Variants in RAI14 observed in about 807,000 individuals in gnomAD.
The protein encoded by RAI14 is ankycorbin.
A neutral mutation model predicts 115.4 loss-of-function variants in RAI14; 45 were observed. That is an observed-to-expected ratio of 0.39 (90% CI 0.31 to 0.50). RAI14 has a LOEUF of 0.50. RAI14 is among the 20% of genes least tolerant of loss of function. The probability of loss-of-function intolerance (pLI) is 0.85; values close to 1 mark genes in which losing one functional copy is unlikely to be tolerated. For synonymous variants in RAI14, 371 were observed against 415.4 expected, an observed-to-expected ratio of 0.89 and a Z score of 1.30; for missense variants, 939 against 1,131.2, an observed-to-expected ratio of 0.83 and a Z score of 2.44.
chr5:34,662,415 G>A (rs1742762275), intron 1 of RAI14, among the ~76,000 whole-genome samples: 1 of 152,164 alleles, frequency 6.6e-6, no homozygotes, highest in Non-Finnish European at 1.5e-5. Context: ...GATGAGTATA[G>A]GAGTTGACAA....
In RAI14 at chr5:34,714,888, G is replaced by C. The variant is rs372744351; in HGVS notation, c.36+27933G>C. 6.6e-5 allele frequency among the ~76,000 whole-genome samples: 10 copies of C among 152,256 alleles called. No homozygotes were observed. The East Asian group carries it at 1.7e-3, about 27-fold the overall frequency. On this transcript the variant is annotated intron_variant, in intron 2 of 17. Coordinates refer to ENST00000265109, the MANE Select transcript of RAI14 (RefSeq NM_015577.3). ...CTAGCCATCAAAGTGGACAAGGGAA[G>C]GGAACCTCACTTGCAGTTCCTCGGT... is the stretch of plus-strand genomic sequence containing the variant.
At chr5:34,658,170 T>G (rs1004204945) in intron 1 of RAI14, among the ~76,000 whole-genome samples, 12 of 152,164 alleles carry the variant, frequency 7.9e-5, no homozygotes, top group African/African-American at 2.9e-4. Flanking sequence ...GGTGTGATTA[T>G]AACCCTGCTG....
chr5:34,724,986 C>A (rs1308935171), intron 2 of RAI14, among the ~76,000 whole-genome samples: 1 of 151,762 alleles, frequency 6.6e-6, no homozygotes, highest in Non-Finnish European at 1.5e-5. Flanking sequence ...CATGAAAAAG[C>A]CTGGGTCTCT....
At chr5:34,689,790 T>C (rs1372446399) in intron 2 of RAI14, among the ~76,000 whole-genome samples, 4 of 152,146 alleles carry the variant, frequency 2.6e-5, no homozygotes, top group African/African-American at 9.7e-5. Flanking sequence ...GAGAATAGCT[T>C]GAACCCAGAA....
intron 2 of RAI14, among the ~76,000 whole-genome samples, chr5:34,749,509 G>A (rs533788194): frequency 2.6e-5 from 4 of 152,298 alleles, no homozygotes; most frequent in South Asian, 2.1e-4. Context: ...AGACACTGCC[G>A]GTTGCCAAAT....
chr5:34,761,627 G>C (rs933460470), intron 3 of RAI14, among the ~76,000 whole-genome samples: 99 of 152,124 alleles, frequency 6.5e-4, no homozygotes, highest in African/African-American at 2.3e-3. Flanking sequence ...TCTTCTGGAA[G>C]TGGAGCTGTC....
chr5:34,794,143 C>T (rs1753235609), intron 3 of RAI14, among the ~76,000 whole-genome samples: 1 of 152,170 alleles, frequency 6.6e-6, no homozygotes, highest in South Asian at 2.1e-4. Context: ...GTCACTATGG[C>T]CAGGCATGGT....
intron 2 of RAI14, among the ~76,000 whole-genome samples, chr5:34,750,848 A>ATTTTTTTTTTTTTTTT (rs869028180): frequency 1.1e-4 from 9 of 83,618 alleles, no homozygotes; most frequent in Non-Finnish European, 1.3e-4. Context: ...TTGCTTTATC[A>ATTTTTTTTTTTTTTTT]TTTTTTTTTT....
rs918715281 is a variant in RAI14, at chr5:34,807,725, G to T, written c.322-75G>T. 7.9e-6 allele frequency: 9 copies of T among 1,142,216 alleles called. No individual in the cohort carries two copies. In the African/African-American group the frequency reaches 1.4e-4, roughly 17 times the overall value. The allele number at this position is 1,142,216 out of a possible 1,614,324, so 70.8% of individuals were successfully genotyped here. A position where few individuals can be genotyped will look rare whatever the true frequency, so the allele number is the denominator to read the frequency against. Reference sequence around the variant, plus strand: ...TTCCTAATAAGTCACATCATACCTTGCAGGAAAAGTCTGAACTGAATAGAA... The same window carrying T: ...TTCCTAATAAGTCACATCATACCTTTCAGGAAAAGTCTGAACTGAATAGAA... On this transcript the variant is annotated intron_variant, in intron 5 of 17. Transcript: ENST00000265109.
At chr5:34,701,964 T>C (rs7714779) in intron 2 of RAI14, among the ~76,000 whole-genome samples, 83,887 of 151,754 alleles carry the variant, frequency 0.55, 23,897 homozygotes, top group African/African-American at 0.69. Flanking sequence ...AGGTGCCTGC[T>C]ACCACGCCCG....
At position 34,821,736 on chromosome 5, in the gene RAI14, T is replaced by C; in HGVS notation, c.999T>C (p.Ala333=). ...KDRLSDSTTG[A]DSLLDISSEA... is the part of the protein sequence containing the mutation. ...AATGGCTTTCTCTTTCCCAAGGTGC[T>C]GATAGCTTATTGGATATAAGTTCTG... is the stretch of plus-strand genomic sequence containing the variant. The change falls in exon 14 of 18, where the codon GCT becomes GCC. Residue 333 remains alanine (A), a synonymous_variant. Coordinates refer to ENST00000265109, the MANE Select transcript of RAI14 (RefSeq NM_015577.3). 6.3e-7 allele frequency: 1 copy of C among 1,576,590 alleles called. No homozygotes were observed.
chr5:34,729,740 G>C (rs1369493629), intron 2 of RAI14, among the ~76,000 whole-genome samples: 2 of 152,156 alleles, frequency 1.3e-5, no homozygotes, highest in African/African-American at 4.8e-5. Flanking sequence ...TAAAAGAAAA[G>C]GGGGTTGGGG....
chr5:34,703,880 T>C (rs1740373573), intron 2 of RAI14, among the ~76,000 whole-genome samples: 1 of 152,190 alleles, frequency 6.6e-6, no homozygotes, highest in Non-Finnish European at 1.5e-5. Context: ...AAGAACAAGC[T>C]CCTTTAATGT....
chr5:34,738,314 C>T (rs1379882914), intron 2 of RAI14, among the ~76,000 whole-genome samples: 3 of 152,120 alleles, frequency 2.0e-5, no homozygotes, highest in Non-Finnish European at 4.4e-5. Flanking sequence ...AATAAAAAAG[C>T]GGAAGGAAAA....
At chr5:34,795,792 GATA>G (rs1266051578) in intron 3 of RAI14, 144 bp from the exon 4 acceptor site, 2 of 511,530 alleles carry the variant, frequency 3.9e-6, no homozygotes, top group Non-Finnish European at 6.8e-6. Context: ...AAGTGAGATT[GATA>G]ATAATGCCTA....
chr5:34,698,035 G>A (rs1739481014), intron 2 of RAI14, among the ~76,000 whole-genome samples: 1 of 148,994 alleles, frequency 6.7e-6, no homozygotes, highest in Non-Finnish European at 1.5e-5. Context: ...AGTGTTGCTT[G>A]TAAAGCCTCC....
chr5:34,812,719 T>C (rs1401116550), intron 10 of RAI14, among the ~76,000 whole-genome samples: 7 of 152,190 alleles, frequency 4.6e-5, no homozygotes, highest in Non-Finnish European at 1.0e-4. Flanking sequence ...TTCAAAAGCA[T>C]GTAACTTTAA....
chr5:34,707,606 A>G (rs1186911469), intron 2 of RAI14, among the ~76,000 whole-genome samples: 2 of 152,140 alleles, frequency 1.3e-5, no homozygotes, highest in African/African-American at 4.8e-5. Context: ...AAAGCAGTTC[A>G]TTTATTTTTA....
intron 2 of RAI14, among the ~76,000 whole-genome samples, chr5:34,707,902 C>A (rs1179762947): frequency 2.6e-5 from 4 of 152,076 alleles, no homozygotes; most frequent in African/African-American, 9.7e-5. Flanking sequence ...GACCCTCTCT[C>A]CAAGGGGAAA....
Sources: allele counts gnomAD v4.1 joint callset (sites outside exome capture counted in the v4.1 genomes callset), GRCh38; gene constraint gnomAD v4.1.1; transcripts MANE v1.5; gene names NCBI Gene and HGNC (gene_info 2026-07-23, HGNC 2026-07-21).